The following PCDH9 variants were observed in gnomAD, a reference collection of about 807,000 sequenced individuals.
PCDH9 encodes the protein protocadherin-9.
Under a neutral mutation model 70.6 loss-of-function variants are expected in PCDH9, and 24 were observed. That is an observed-to-expected ratio of 0.34 (90% CI 0.25 to 0.48). PCDH9 has a LOEUF of 0.48. Among genes scored for constraint, PCDH9 ranks in the 20% least tolerant of loss-of-function variants. The probability of loss-of-function intolerance (pLI) is 0.99; values close to 1 mark genes in which losing one functional copy is unlikely to be tolerated. For missense variants in PCDH9, 1,281 were observed against 1,503.6 expected (o/e 0.85, Z 2.45); for synonymous variants, 562 against 558.5 (o/e 1.01, Z -0.09).
chr13:66,556,079 T>C (rs1000298867), intron 4 of PCDH9, among the ~76,000 whole-genome samples: 2 of 151,568 alleles, frequency 1.3e-5, no homozygotes, highest in Non-Finnish European at 2.9e-5. Context: ...TATATGTGTC[T>C]GTTCTGTATC....
intron 3 of PCDH9, among the ~76,000 whole-genome samples, chr13:66,641,481 T>C (rs2077708123): frequency 6.6e-6 from 1 of 152,202 alleles, no homozygotes; most frequent in Non-Finnish European, 1.5e-5. Flanking sequence ...TATGGAAATA[T>C]GTGCGTGCAA....
intron 3 of PCDH9, among the ~76,000 whole-genome samples, chr13:66,749,858 C>T (rs1315619766): frequency 1.3e-5 from 2 of 152,154 alleles, no homozygotes; most frequent in Admixed American, 1.3e-4. Context: ...CCATCCCTTG[C>T]ACCCTAACTC....
At chr13:66,716,339 A>G (rs2078865762) in intron 3 of PCDH9, among the ~76,000 whole-genome samples, 1 of 152,232 alleles carries the variant, frequency 6.6e-6, no homozygotes, top group South Asian at 2.1e-4. Context: ...AGGTTTAGAC[A>G]AATTAATGTA....
At chr13:66,456,456 C>G (rs962765727) in intron 4 of PCDH9, among the ~76,000 whole-genome samples, 2 of 151,986 alleles carry the variant, frequency 1.3e-5, no homozygotes, top group South Asian at 4.1e-4. Context: ...GAGATGGGCT[C>G]TCATTATGTC....
At chr13:66,797,215 C>T (rs1056312502) in intron 3 of PCDH9, among the ~76,000 whole-genome samples, 1 of 151,960 alleles carries the variant, frequency 6.6e-6, no homozygotes, top group Non-Finnish European at 1.5e-5. Context: ...GTATTCTAGA[C>T]CATTAGTTAG....
At chr13:66,979,947 A>G (rs1177174011) in intron 2 of PCDH9, among the ~76,000 whole-genome samples, 1 of 146,410 alleles carries the variant, frequency 6.8e-6, no homozygotes, top group Non-Finnish European at 1.5e-5. Context: ...CTAATTCTTT[A>G]TTTAACTACT....
chr13:67,174,749 C>T (rs1394035057), intron 2 of PCDH9, among the ~76,000 whole-genome samples: 1 of 152,064 alleles, frequency 6.6e-6, no homozygotes, highest in Non-Finnish European at 1.5e-5. Flanking sequence ...CTAAACAATG[C>T]TAAATGTTCT....
intron 3 of PCDH9, among the ~76,000 whole-genome samples, chr13:66,784,240 A>C (rs1290967856): frequency 6.6e-6 from 1 of 152,158 alleles, no homozygotes; most frequent in East Asian, 1.9e-4. Context: ...AGGTATTACC[A>C]GATGCCTAAA....
chr13:66,456,317 G>A (rs538771399), intron 4 of PCDH9, among the ~76,000 whole-genome samples: 37 of 152,156 alleles, frequency 2.4e-4, no homozygotes, highest in African/African-American at 7.9e-4. Context: ...CCTGGAGTGC[G>A]GCAGTGCAAT....
intron 2 of PCDH9, among the ~76,000 whole-genome samples, chr13:67,117,103 A>T (rs1372083934): frequency 6.6e-6 from 1 of 152,196 alleles, no homozygotes; most frequent in African/African-American, 2.4e-5. Flanking sequence ...GAAAATTTGT[A>T]AAGAATTTAT....
intron 3 of PCDH9, among the ~76,000 whole-genome samples, chr13:66,815,594 A>AAG (rs1412520968): frequency 6.6e-6 from 1 of 152,196 alleles, no homozygotes; most frequent in African/African-American, 2.4e-5. Context: ...CACAGCCATA[A>AAG]AGAGAACAAG....
chr13:66,904,000 C>T (rs2082318562), intron 2 of PCDH9, among the ~76,000 whole-genome samples: 1 of 152,018 alleles, frequency 6.6e-6, no homozygotes, highest in Admixed American at 6.6e-5. Context: ...ACTACCTCCA[C>T]TTAAGGAAGA....
At chr13:67,036,906 C>T (rs1339230606) in intron 2 of PCDH9, among the ~76,000 whole-genome samples, 2 of 152,148 alleles carry the variant, frequency 1.3e-5, no homozygotes, top group East Asian at 1.9e-4. Flanking sequence ...GAAGCTGCTC[C>T]GGAGAAAGCG....
chr13:67,081,911 T>A (rs1267371224), intron 2 of PCDH9, among the ~76,000 whole-genome samples: 1 of 152,180 alleles, frequency 6.6e-6, no homozygotes, highest in East Asian at 1.9e-4. Flanking sequence ...TTTAGTTAAT[T>A]TTTAAACCAC....
intron 2 of PCDH9, among the ~76,000 whole-genome samples, chr13:67,068,905 T>C (rs260141): frequency 0.023 from 3,530 of 152,272 alleles, 136 homozygotes; most frequent in African/African-American, 0.081. Context: ...TTTCTTGTCA[T>C]CCAAGTTATT....
At chr13:67,078,908 GT>G (rs1291892157) in intron 2 of PCDH9, among the ~76,000 whole-genome samples, 46 of 152,102 alleles carry the variant, frequency 3.0e-4, no homozygotes, top group Middle Eastern at 3.4e-3. Context: ...GCAATTCTCG[GT>G]TACAGTCCTG....
At chr13:66,713,995 T>C (rs894405462) in intron 3 of PCDH9, among the ~76,000 whole-genome samples, 1 of 152,060 alleles carries the variant, frequency 6.6e-6, no homozygotes, top group African/African-American at 2.4e-5. Flanking sequence ...GGCAAATTGG[T>C]TTATTGTTTC....
chr13:66,711,465 G>A (rs1299903578), intron 3 of PCDH9, among the ~76,000 whole-genome samples: 1 of 151,706 alleles, frequency 6.6e-6, no homozygotes, highest in Non-Finnish European at 1.5e-5. Context: ...AGGTTGACTG[G>A]AGTCTGTGAT....
intron 2 of PCDH9, among the ~76,000 whole-genome samples, chr13:67,190,080 T>C (rs2138016156): frequency 6.6e-6 from 1 of 152,172 alleles, no homozygotes; most frequent in South Asian, 2.1e-4. Flanking sequence ...AGGCTTATAA[T>C]ATTAAAAAGT....
Sources: gnomAD v4.1 joint callset for allele counts (sites outside exome capture counted in the v4.1 genomes callset) on GRCh38, gnomAD v4.1.1 for gene constraint, MANE v1.5 for transcripts, NCBI Gene and HGNC (gene_info 2026-07-23, HGNC 2026-07-21) for gene names.